Variants in ODAD2 observed in about 807,000 individuals in gnomAD.
The protein encoded by ODAD2 is outer dynein arm docking complex subunit 2.
ODAD2 carries 89 observed loss-of-function variants against 106.8 expected under a neutral mutation model. The observed-to-expected ratio is 0.83, with a 90% CI of 0.70 to 0.99. The LOEUF (loss-of-function observed/expected upper bound fraction) is 0.99, where lower values mean the gene tolerates loss of function less well. Ranked by LOEUF, ODAD2 falls within the 50% of genes least tolerant of loss-of-function variation. ODAD2 has a pLI of 0.00. For synonymous variants in ODAD2, 404 were observed against 436.2 expected, an observed-to-expected ratio of 0.93 and a Z score of 0.92; for missense variants, 1,168 against 1,238.5, an observed-to-expected ratio of 0.94 and a Z score of 0.85.
At chr10:27,907,255 G>A (rs183781567) in intron 17 of ODAD2, among the ~76,000 whole-genome samples, 84 of 152,230 alleles carry the variant, frequency 5.5e-4, no homozygotes, top group East Asian at 1.9e-4. Flanking sequence ...AACACAGAAC[G>A]TAGTGCTCTC....
At chr10:27,843,220 G>A (rs1589802398) in intron 19 of ODAD2, among the ~76,000 whole-genome samples, 1 of 152,128 alleles carries the variant, frequency 6.6e-6, no homozygotes, top group East Asian at 1.9e-4. Context: ...TTACTGTGGA[G>A]TACAAAGTCT....
At position 27,995,147 on chromosome 10, in the gene ODAD2, T is replaced by A; in HGVS notation, c.-5A>T. ...TTTCCTCAGAGCCACACCCATGGGA[T>A]CCACCGTGCTCAGACCTGAGCTTAG... On this transcript the variant is annotated 5_prime_UTR_variant, in exon 2 of 20. Coordinates refer to ENST00000305242, the MANE Select transcript of ODAD2 (RefSeq NM_018076.5). 1 of 1,614,084 alleles carries A rather than the reference T, an allele frequency of 6.2e-7. No homozygotes were observed. The highest frequency in any genetic ancestry group is 8.5e-7 in the Non-Finnish European group (1 of 1,180,032).
chr10:27,875,173 A>T (rs1299435280), intron 17 of ODAD2, among the ~76,000 whole-genome samples: 1 of 152,138 alleles, frequency 6.6e-6, no homozygotes, highest in East Asian at 1.9e-4. Context: ...TGCATTCGTC[A>T]CGTAGTTCTT....
rs75357022 is a variant in ODAD2, at chr10:27,908,438, T to G, written c.2496-661A>C. 7.2e-5 allele frequency among the ~76,000 whole-genome samples: 11 copies of G among 152,334 alleles called. No individual in the cohort carries two copies. The South Asian group carries it at 1.2e-3, about 17-fold the overall frequency. On this transcript the variant is annotated intron_variant, in intron 16 of 19. Transcript: ENST00000305242. ...AGCCATCTCTCCACCATCTGTCTTC[T>G]GTTTATATATCAATCAGTCCAGGAG...
intron 19 of ODAD2, 22 bp downstream of exon 19, chr10:27,860,601 AAC>A (rs1455795268): frequency 6.2e-7 from 1 of 1,605,822 alleles, no homozygotes; most frequent in South Asian, 1.1e-5. Context: ...ACTTGGACTA[AAC>A]CACAAAGTCA....
At position 27,909,336 on chromosome 10, in the gene ODAD2, T is replaced by A. The variant is rs562071299; in HGVS notation, c.2496-1559A>T. 1.7e-4 allele frequency among the ~76,000 whole-genome samples: 26 copies of A among 152,292 alleles called. No homozygotes were observed. The East Asian group carries it at 5.0e-3, about 29-fold the overall frequency. On this transcript the variant is annotated intron_variant, in intron 16 of 19. Transcript: ENST00000305242. ...GCAATTTAAAAAAAGGAACATTCAA[T>A]CCTGGACAAAATTTCACAATTAACT... is the stretch of plus-strand genomic sequence containing the variant.
At chr10:27,983,658 G>A (rs544414148) in intron 6 of ODAD2, among the ~76,000 whole-genome samples, 185 bp downstream of exon 6, 11 of 152,278 alleles carry the variant, frequency 7.2e-5, no homozygotes, top group African/African-American at 2.2e-4. Context: ...ACCTGCAGTG[G>A]AGAATAAGAG....
chr10:27,971,224 G>A lies in ODAD2; in HGVS notation c.1026C>T (p.Asp342=). 1.9e-6 allele frequency: 3 copies of A among 1,613,916 alleles called. No individual in the cohort carries two copies. Among genetic ancestry groups the A allele is most frequent in the Admixed American group, 1.7e-5 (1 of 59,988 alleles). Residue 342 remains aspartate, a synonymous_variant, in exon 8 of 20, where the codon GAC becomes GAT. Coordinates refer to ENST00000305242, the MANE Select transcript of ODAD2 (RefSeq NM_018076.5). ...KKEEAAALRK[D]ISGSDKRSLE... ...GTGACCTTTTGTCTGAACCAGAAAT[G>A]TCTTTGCGGAGGGCAGCTGCTTCTT...
chr10:27,860,840 T>C lies in ODAD2; in HGVS notation c.2806A>G (p.Asn936Asp), dbSNP rs765958428. ...TCTGCTAGATGATGTCTCAATTTAT[T>C]GTTATTCTGTGCAAGGGAAAATGAA... ...LLSKLANTNNNKLRHHLAEAI... is the reference protein window; with the variant it reads ...LLSKLANTNNDKLRHHLAEAI... Residue 936 changes from asparagine to aspartate, a missense_variant, in exon 19 of 20, where the codon AAT becomes GAT. By Grantham distance (23) the Asn-to-Asp change is conservative. Around this residue, in one of 3 missense-constraint regions of ODAD2, gnomAD observed 701 missense variants for 712.3 expected, o/e 0.98. Coordinates refer to ENST00000305242, the MANE Select transcript of ODAD2 (RefSeq NM_018076.5). The C allele has an allele frequency of 3.1e-6, 5 of 1,613,824 alleles. 1 individual carries two copies. Among genetic ancestry groups the C allele is most frequent in the Middle Eastern group, 1.6e-4 (1 of 6,062 alleles).
At chr10:27,933,089 T>C (rs1189976780) in intron 16 of ODAD2, among the ~76,000 whole-genome samples, 1 of 151,922 alleles carries the variant, frequency 6.6e-6, no homozygotes, top group Non-Finnish European at 1.5e-5. Context: ...GACCCCCAAC[T>C]CCACAAAAAA....
In ODAD2 at chr10:27,893,153, C is replaced by T. The variant is rs529131566; in HGVS notation, c.2610+14510G>A. On this transcript the variant is annotated intron_variant, in intron 17 of 19. Coordinates refer to ENST00000305242, the MANE Select transcript of ODAD2 (RefSeq NM_018076.5). Reference sequence around the variant, plus strand: ...CAACCTGGGCGACAGAGCCAGACTCCTTCTCAAAAAAAAAGAAGAAGAAAA... The same window carrying T: ...CAACCTGGGCGACAGAGCCAGACTCTTTCTCAAAAAAAAAGAAGAAGAAAA... Among the ~76,000 whole-genome samples, 4 of 150,570 alleles carry T rather than the reference C, an allele frequency of 2.7e-5. No individual in the cohort carries two copies. In the East Asian group the frequency reaches 7.8e-4, roughly 29 times the overall value.
At chr10:27,918,310 G>T (rs888415212) in intron 16 of ODAD2, among the ~76,000 whole-genome samples, 1 of 151,872 alleles carries the variant, frequency 6.6e-6, no homozygotes, top group African/African-American at 2.4e-5. Context: ...CATGAAAAAG[G>T]TAATGCAATA....
At chr10:27,987,775 T>C (rs1481009776) in intron 2 of ODAD2, among the ~76,000 whole-genome samples, 3 of 146,100 alleles carry the variant, frequency 2.1e-5, no homozygotes, top group Non-Finnish European at 4.5e-5. Flanking sequence ...AAGGAAGAAT[T>C]TTTTTTTTTT....
intron 10 of ODAD2, among the ~76,000 whole-genome samples, chr10:27,952,272 CA>C (rs1168919909): frequency 2.8e-4 from 42 of 151,946 alleles, no homozygotes; most frequent in Non-Finnish European, 4.6e-4. Flanking sequence ...TATGAAAATT[CA>C]AACAAGGTAC....
At chr10:27,971,063 G>T in intron 8 of ODAD2, 45 bp downstream of exon 8, 1 of 1,226,018 alleles carries the variant, frequency 8.2e-7, no homozygotes, top group South Asian at 1.5e-5. Flanking sequence ...AGGTGAGTAT[G>T]GTTACTAATG....
Position 27,981,580 on chromosome 10 carries a change from G to A in ODAD2, c.822C>T (p.Gly274=), listed in dbSNP as rs943969065. 2.7e-5 allele frequency: 41 copies of A among 1,536,674 alleles called. No individual in the cohort carries two copies. The highest frequency in any genetic ancestry group is 3.6e-5 in the Non-Finnish European group (41 of 1,152,674). Residue 274 remains glycine, a splice_region_variant and synonymous_variant, in exon 7 of 20, where the codon GGC becomes GGT. Coordinates refer to ENST00000305242, the MANE Select transcript of ODAD2 (RefSeq NM_018076.5). The part of the protein sequence containing the change: ...CSAGGVFLNG[G]KTDDEGDVNY... Reference sequence around the variant, plus strand: ...TAACGTCCCCTTCATCATCTGTTTTGCCCTTTGGGAAAAAACAAGTTTCAT... The same window carrying A: ...TAACGTCCCCTTCATCATCTGTTTTACCCTTTGGGAAAAAACAAGTTTCAT...
intron 16 of ODAD2, among the ~76,000 whole-genome samples, chr10:27,908,818 T>C (rs891221691): frequency 6.6e-5 from 10 of 152,054 alleles, no homozygotes; most frequent in Admixed American, 3.9e-4. Context: ...CATAACTTTA[T>C]AAAATTGGTG....
intron 7 of ODAD2, among the ~76,000 whole-genome samples, chr10:27,979,159 G>A (rs557812004): frequency 1.4e-4 from 21 of 148,682 alleles, no homozygotes; most frequent in Non-Finnish European, 2.1e-4. Context: ...AGGTTGCAGC[G>A]AGCCAAGATC....
chr10:27,872,670 A>G (rs527478338), intron 17 of ODAD2, among the ~76,000 whole-genome samples: 4 of 152,144 alleles, frequency 2.6e-5, no homozygotes, highest in Admixed American at 1.3e-4. Context: ...ATTGATTTGC[A>G]TATGTTGAAT....
Sources: gnomAD v4.1 joint callset for allele counts (sites outside exome capture counted in the v4.1 genomes callset) on GRCh38, gnomAD v4.1.1 for gene constraint, gnomAD v4.1.1 regional missense constraint, MANE v1.5 for transcripts, NCBI Gene and HGNC (gene_info 2026-07-23, HGNC 2026-07-21) for gene names.